Variants in TNFRSF19 observed in about 807,000 individuals in gnomAD.
TNFRSF19 encodes the protein TNF receptor superfamily member 19, also known as tumor necrosis factor receptor superfamily member 19.
Under a neutral mutation model 46.4 loss-of-function variants are expected in TNFRSF19, and 27 were observed. That is an observed-to-expected ratio of 0.58 (90% CI 0.43 to 0.80). The LOEUF (loss-of-function observed/expected upper bound fraction) is 0.80, where lower values mean the gene tolerates loss of function less well. TNFRSF19 is among the 30% of genes least tolerant of loss of function. The pLI is 0.00. For synonymous variants in TNFRSF19, 204 were observed against 205.0 expected (o/e 1.00, Z 0.04); for missense variants, 511 against 530.8 (o/e 0.96, Z 0.37).
At chr13:23,594,985 G>A (rs1181359909) in intron 3 of TNFRSF19, among the ~76,000 whole-genome samples, 1 of 152,184 alleles carries the variant, frequency 6.6e-6, no homozygotes, top group Non-Finnish European at 1.5e-5. Context: ...GTCTGGAGTG[G>A]ACCTCCAACA....
chr13:23,620,926 C>T (rs945920133), intron 4 of TNFRSF19, among the ~76,000 whole-genome samples: 20 of 152,214 alleles, frequency 1.3e-4, no homozygotes, highest in African/African-American at 4.6e-4. Flanking sequence ...TCCTACCACC[C>T]CCTCTTAACA....
At chr13:23,602,080 C>A (rs61480890) in intron 3 of TNFRSF19, among the ~76,000 whole-genome samples, 2,666 of 152,158 alleles carry the variant, frequency 0.018, 85 homozygotes, top group African/African-American at 0.061. Context: ...TAAACATTAT[C>A]AGAGCAGGTC....
intron 4 of TNFRSF19, among the ~76,000 whole-genome samples, chr13:23,623,824 TGA>T: frequency 6.6e-6 from 1 of 152,290 alleles, no homozygotes; most frequent in Non-Finnish European, 1.5e-5. Context: ...TAAATTAGGT[TGA>T]TTTTTTAATT....
chr13:23,667,152 CAG>C (rs1370312557), intron 7 of TNFRSF19, among the ~76,000 whole-genome samples: 2 of 142,458 alleles, frequency 1.4e-5, no homozygotes, highest in Admixed American at 7.2e-5. Flanking sequence ...TATGTATAGA[CAG>C]AGTGAGAAAT....
chr13:23,642,981 ACAGT>A (rs1405912802), intron 5 of TNFRSF19, among the ~76,000 whole-genome samples: 19 of 152,342 alleles, frequency 1.2e-4, no homozygotes, highest in Middle Eastern at 3.4e-3. Context: ...ATTTATCTAG[ACAGT>A]CAGTGCTGCC....
intron 4 of TNFRSF19, among the ~76,000 whole-genome samples, chr13:23,622,590 G>T (rs1881740501): frequency 6.6e-6 from 1 of 152,064 alleles, no homozygotes; most frequent in African/African-American, 2.4e-5. Context: ...GTCACAATTA[G>T]AATTCTTTAT....
rs1951814649 is a variant in TNFRSF19, at chr13:23,675,368, A to G, written c.*1988A>G. 6.6e-6 allele frequency: 1 copy of G among 152,230 alleles called. No homozygotes were observed. Among genetic ancestry groups the G allele is most frequent in the Admixed American group, 6.5e-5 (1 of 15,286 alleles). The allele number at this position is 152,230 out of a possible 1,614,324, so 9.4% of individuals were successfully genotyped here. A position where few individuals can be genotyped will look rare whatever the true frequency, so the allele number is the denominator to read the frequency against. On this transcript the variant is annotated 3_prime_UTR_variant, in exon 10 of 10. Coordinates refer to ENST00000248484, the MANE Select transcript of TNFRSF19 (RefSeq NM_148957.4). Reference sequence around the variant, plus strand: ...TAGCCTGTATATATTTTCCATATGTAGAGCCCTGATTAACTTCAAGGACAA... The same window carrying G: ...TAGCCTGTATATATTTTCCATATGTGGAGCCCTGATTAACTTCAAGGACAA...
At chr13:23,596,273 A>G (rs890895527) in intron 3 of TNFRSF19, among the ~76,000 whole-genome samples, 1 of 152,230 alleles carries the variant, frequency 6.6e-6, no homozygotes, top group African/African-American at 2.4e-5. Flanking sequence ...CCTTAAATGT[A>G]AATGGGCTAA....
At chr13:23,640,186 G>A (rs771874723) in intron 5 of TNFRSF19, among the ~76,000 whole-genome samples, 2 of 151,816 alleles carry the variant, frequency 1.3e-5, no homozygotes, top group East Asian at 1.9e-4. Flanking sequence ...GAGGAGGTTC[G>A]CAATGGAAAA....
intron 5 of TNFRSF19, among the ~76,000 whole-genome samples, chr13:23,641,145 C>A (rs961892599): frequency 3.3e-5 from 5 of 152,154 alleles, no homozygotes; most frequent in African/African-American, 1.2e-4. Context: ...GTGCAGAATT[C>A]TCTAATGATC....
chr13:23,607,733 T>C (rs1398622426), intron 3 of TNFRSF19, among the ~76,000 whole-genome samples: 3 of 152,228 alleles, frequency 2.0e-5, no homozygotes, highest in Non-Finnish European at 2.9e-5. Flanking sequence ...TGCTTCTCTG[T>C]ATTAAAGGTA....
chr13:23,638,644 G>A (rs893846752), intron 5 of TNFRSF19, among the ~76,000 whole-genome samples: 1 of 152,156 alleles, frequency 6.6e-6, no homozygotes. Context: ...TCTCAGCTGC[G>A]GTGGCCGTCA....
Position 23,668,832 on chromosome 13 carries a change from C to T in TNFRSF19, c.980C>T (p.Pro327Leu). Reference protein sequence around the residue: ...GDNISFCDSYPELTGEDIHSL... With the variant: ...GDNISFCDSYLELTGEDIHSL... ...AACATCTCTTTTTGTGACTCTTATC[C>T]TGAACTCACTGGAGAAGACATTCAT... is the stretch of plus-strand genomic sequence containing the variant. The change falls in exon 9 of 10, where the codon CCT (proline) becomes CTT (leucine). Residue 327 changes from proline to leucine, a missense_variant. Around this residue, in one of 3 missense-constraint regions of TNFRSF19, gnomAD observed 376 missense variants for 372.7 expected, o/e 1.01. Coordinates refer to ENST00000248484, the MANE Select transcript of TNFRSF19 (RefSeq NM_148957.4). The T allele has an allele frequency of 6.2e-7, 1 of 1,614,246 alleles. No homozygotes were observed. Among genetic ancestry groups the T allele is most frequent in the Non-Finnish European group, 8.5e-7 (1 of 1,180,048 alleles).
intron 3 of TNFRSF19, among the ~76,000 whole-genome samples, chr13:23,602,747 C>T (rs1370302457): frequency 3.9e-5 from 6 of 152,010 alleles, no homozygotes; most frequent in African/African-American, 1.4e-4. Flanking sequence ...ATTAAGAACA[C>T]ACTTCTAAAT....
At chr13:23,574,606 C>T (rs1003360682) in intron 1 of TNFRSF19, among the ~76,000 whole-genome samples, 4 of 152,006 alleles carry the variant, frequency 2.6e-5, no homozygotes, top group African/African-American at 4.8e-5. Context: ...CTGAACTCAA[C>T]CATCTGGCAT....
At chr13:23,615,510 A>G (rs1881212287) in intron 3 of TNFRSF19, among the ~76,000 whole-genome samples, 1 of 152,198 alleles carries the variant, frequency 6.6e-6, no homozygotes, top group Non-Finnish European at 1.5e-5. Context: ...TGAGTGTGTG[A>G]ATGTTTCCCT....
intron 3 of TNFRSF19, among the ~76,000 whole-genome samples, chr13:23,612,202 A>G (rs1880955274): frequency 6.6e-6 from 1 of 152,184 alleles, no homozygotes; most frequent in Non-Finnish European, 1.5e-5. Flanking sequence ...AACCAATGTC[A>G]CCATGGGTTG....
intron 5 of TNFRSF19, among the ~76,000 whole-genome samples, chr13:23,632,195 A>G (rs1882399161): frequency 6.6e-6 from 1 of 152,080 alleles, no homozygotes; most frequent in African/African-American, 2.4e-5. Flanking sequence ...TCAGACCAAG[A>G]CTCCTAAGTG....
intron 5 of TNFRSF19, among the ~76,000 whole-genome samples, chr13:23,651,633 T>TA (rs541335825): frequency 9.9e-4 from 150 of 152,246 alleles, no homozygotes; most frequent in African/African-American, 3.5e-3. Flanking sequence ...AAATAACACA[T>TA]AAAATGAAGT....
Sources: allele counts gnomAD v4.1 joint callset (sites outside exome capture counted in the v4.1 genomes callset), GRCh38; gene constraint gnomAD v4.1.1; regional missense constraint gnomAD v4.1.1; transcripts MANE v1.5; gene names NCBI Gene and HGNC (gene_info 2026-07-23, HGNC 2026-07-21).